The following MICAL2 variants were observed in gnomAD, a reference collection of about 807,000 sequenced individuals.
MICAL2 encodes microtubule associated monooxygenase, calponin and LIM domain containing 2, also known as [F-actin]-monooxygenase MICAL2.
In MICAL2, 77 loss-of-function variants were observed where a neutral mutation model predicts 127.3. That is an observed-to-expected ratio of 0.60 (90% CI 0.50 to 0.73). The LOEUF is 0.73. Ranked by LOEUF, MICAL2 falls within the 30% of genes least tolerant of loss-of-function variation. The pLI is 0.00. For missense variants in MICAL2, 1,351 were observed against 1,434.4 expected, an observed-to-expected ratio of 0.94 and a Z score of 0.94; for synonymous variants, 570 against 551.1, an observed-to-expected ratio of 1.03 and a Z score of -0.48.
chr11:12,206,357 T>G (rs769649570), intron 4 of MICAL2, among the ~76,000 whole-genome samples: 1 of 152,060 alleles, frequency 6.6e-6, no homozygotes, highest in Non-Finnish European at 1.5e-5. Context: ...GTAATGCCGG[T>G]GGGACTCTAG....
chr11:12,349,768 G>A, intron 32 of MICAL2: 1 of 1,450,298 alleles, frequency 6.9e-7, no homozygotes, highest in Non-Finnish European at 9.7e-7. Context: ...CTGCTAAAGT[G>A]GCTCAAAGCA....
upstream of MICAL2, chr11:12,275,943 T>C: frequency 2.5e-6 from 1 of 399,170 alleles, no homozygotes; most frequent in Non-Finnish European, 4.4e-6. Context: ...TGCTAGGCCA[T>C]TCATTTGCAC....
chr11:12,262,048 A>C (rs1863186864), intron 26 of MICAL2: 2 of 1,064,194 alleles, frequency 1.9e-6, no homozygotes, highest in Admixed American at 9.9e-5. Flanking sequence ...GACTGGTTTG[A>C]ATTACTGTGG....
At chr11:12,177,721 A>G (rs1283333232) in intron 3 of MICAL2, among the ~76,000 whole-genome samples, 1 of 152,040 alleles carries the variant, frequency 6.6e-6, no homozygotes, top group African/African-American at 2.4e-5. Context: ...AATTTTTAAG[A>G]GTCTTATGCT....
At chr11:12,257,081 AG>A (rs992723021) in intron 24 of MICAL2, 110 bp downstream of exon 24, 30 of 1,174,648 alleles carry the variant, frequency 2.6e-5, no homozygotes, top group Non-Finnish European at 3.1e-5. Context: ...CATACCCAAA[AG>A]GAAGTATGAT....
chr11:12,251,360 C>A (rs2134592736), intron 22 of MICAL2, among the ~76,000 whole-genome samples: 1 of 152,086 alleles, frequency 6.6e-6, no homozygotes, highest in Admixed American at 6.5e-5. Flanking sequence ...ACCCTTGATG[C>A]CCAGGGCAAC....
At position 12,256,957 on chromosome 11, in the gene MICAL2, T is replaced by G; in HGVS notation, c.3128T>G (p.Phe1043Cys). ...ATTLRLAAYT[F>C]DCDEGKFYCK... ...ACCTTGCGCCTGGCCGCCTACACCT[T>G]TGACTGCGATGAAGGTAACCCCAGG... Residue 1043 changes from phenylalanine (F) to cysteine (C), a missense_variant, in exon 24 of 28, where the codon TTT becomes TGT. Transcript: ENST00000683283. The G allele has an allele frequency of 6.2e-7, 1 of 1,613,132 alleles. No homozygotes were observed.
chr11:12,286,381 A>G (rs1234733282), intron 2 of MICAL2, among the ~76,000 whole-genome samples: 3 of 152,232 alleles, frequency 2.0e-5, no homozygotes, highest in African/African-American at 4.8e-5. Flanking sequence ...ATGGCCCGTG[A>G]TGACCTTAGC....
At chr11:12,340,996 A>G (rs1461840006) in intron 32 of MICAL2, among the ~76,000 whole-genome samples, 1 of 152,198 alleles carries the variant, frequency 6.6e-6, no homozygotes, top group African/African-American at 2.4e-5. Context: ...CCAGATTCAC[A>G]GCACAGCTTT....
intron 22 of MICAL2, chr11:12,252,458 C>G (rs1027841703): frequency 6.6e-6 from 1 of 152,330 alleles, no homozygotes; most frequent in East Asian, 1.9e-4. Flanking sequence ...CCCAGCAAGC[C>G]TGCATCCATG....
chr11:12,321,103 G>T (rs1468463446), intron 30 of MICAL2, among the ~76,000 whole-genome samples: 3 of 152,118 alleles, frequency 2.0e-5, no homozygotes, highest in Non-Finnish European at 1.5e-5. Flanking sequence ...GAAATAGCAA[G>T]ACGGTGGTAT....
At chr11:12,211,949 C>T (rs576808207) in intron 6 of MICAL2, among the ~76,000 whole-genome samples, 103 of 152,352 alleles carry the variant, frequency 6.8e-4, no homozygotes, top group African/African-American at 2.1e-3. Context: ...ACTTAACACC[C>T]TCCTCTTAAC....
intron 9 of MICAL2, among the ~76,000 whole-genome samples, chr11:12,221,004 T>A (rs1856756377): frequency 6.6e-6 from 1 of 152,240 alleles, no homozygotes; most frequent in African/African-American, 2.4e-5. Context: ...ATGTATTTAT[T>A]CCAAGTTAAG....
chr11:12,129,542 TC>T (rs1167107582), intron 1 of MICAL2, among the ~76,000 whole-genome samples: 2 of 151,448 alleles, frequency 1.3e-5, no homozygotes, highest in Non-Finnish European at 2.9e-5. Flanking sequence ...ATTCATCATT[TC>T]CCCCTTAGCC....
intron 1 of MICAL2, among the ~76,000 whole-genome samples, chr11:12,122,203 C>T (rs896470333): frequency 1.6e-4 from 24 of 152,174 alleles, no homozygotes; most frequent in Admixed American, 6.5e-4. Flanking sequence ...ACTTACCTCA[C>T]GGGGAGGTTG....
intron 1 of MICAL2, among the ~76,000 whole-genome samples, chr11:12,114,681 T>G (rs999814337): frequency 1.3e-5 from 2 of 152,210 alleles, no homozygotes; most frequent in Admixed American, 6.5e-5. Context: ...TTTGAATTGA[T>G]GAACCCAGTC....
intron 32 of MICAL2, among the ~76,000 whole-genome samples, chr11:12,338,791 C>T (rs1174601374): frequency 1.3e-5 from 2 of 152,218 alleles, no homozygotes; most frequent in East Asian, 3.8e-4. Context: ...CCCCTACTCT[C>T]TTCTGGCTTG....
At chr11:12,208,764 T>A (rs553966944) in intron 5 of MICAL2, among the ~76,000 whole-genome samples, 2 of 152,358 alleles carry the variant, frequency 1.3e-5, no homozygotes, top group Admixed American at 6.5e-5. Flanking sequence ...TCTTACTTAT[T>A]ATTAAAAGTA....
upstream of MICAL2, among the ~76,000 whole-genome samples, chr11:12,275,126 G>A (rs1349449464): frequency 6.6e-6 from 1 of 152,190 alleles, no homozygotes; most frequent in Non-Finnish European, 1.5e-5. Context: ...ATGCTGGCGA[G>A]GTGTTGGCTG....
Sources: allele counts gnomAD v4.1 joint callset (sites outside exome capture counted in the v4.1 genomes callset), GRCh38; gene constraint gnomAD v4.1.1; transcripts MANE v1.5; gene names NCBI Gene and HGNC (gene_info 2026-07-23, HGNC 2026-07-21).